The following MKI67 variants were observed in gnomAD, a reference collection of about 807,000 sequenced individuals.
MKI67 encodes marker of proliferation Ki-67.
In MKI67, 152 loss-of-function variants were observed where a neutral mutation model predicts 233.5. That is an observed-to-expected ratio of 0.65 (90% CI 0.57 to 0.74). The LOEUF is 0.74. Among genes scored for constraint, MKI67 ranks in the 30% least tolerant of loss-of-function variants. The pLI, the probability that MKI67 is intolerant of heterozygous loss-of-function variation, is 0.00. For synonymous variants in MKI67, 1,465 were observed against 1,418.5 expected, an observed-to-expected ratio of 1.03 and a Z score of -0.74; for missense variants, 3,940 against 3,885.2, an observed-to-expected ratio of 1.01 and a Z score of -0.37.
Position 128,106,419 on chromosome 10 carries a change from G to A in MKI67, c.5421C>T (p.Asp1807=). 6.2e-7 allele frequency: 1 copy of A among 1,613,044 alleles called. No individual in the cohort carries two copies. The highest frequency in any genetic ancestry group is 2.2e-5 in the East Asian group (1 of 44,812). The change falls in exon 13 of 15, where the codon GAC becomes GAT. Residue 1807 remains aspartate (D), a synonymous_variant. Transcript: ENST00000368654. ...TFLGTPVQKL[D]QPGNLPGSNR... is the part of the protein sequence containing the mutation. ...TGCTGCCAGGTAAATTTCCTGGCTGGTCCAGTTTCTGCACTGGAGTTCCCA... is the reference window on the plus strand; with the variant it reads ...TGCTGCCAGGTAAATTTCCTGGCTGATCCAGTTTCTGCACTGGAGTTCCCA...
Position 128,099,144 on chromosome 10 carries a change from A to C in MKI67, c.*46T>G, listed in dbSNP as rs765662903. 1 of 1,473,658 alleles carries C rather than the reference A, an allele frequency of 6.8e-7. No homozygotes were observed. Among genetic ancestry groups the C allele is most frequent in the Non-Finnish European group, 9.4e-7 (1 of 1,062,050 alleles). The allele number at this position is 1,473,658 out of a possible 1,614,324, so 91.3% of individuals were successfully genotyped here. On this transcript the variant is annotated 3_prime_UTR_variant, in exon 15 of 15. Transcript: ENST00000368654. ...TATGACAAAAACTGCACTAGAACTT[A>C]TCACAAAACTAACTTTATTATATTT... is the stretch of plus-strand genomic sequence containing the variant.
In MKI67 at chr10:128,112,538, T is replaced by G. The variant is rs1211243709; in HGVS notation, c.1657-93A>C. On this transcript the variant is annotated intron_variant, in intron 8 of 14. Transcript: ENST00000368654. The stretch of plus-strand genomic sequence containing the variant: ...AACCTATTCAGTTAAGAATTTCAGC[T>G]GTTTAAATCTTGAAGCATCAAATGC... 6 of 1,251,870 alleles carry G rather than the reference T, an allele frequency of 4.8e-6. No individual in the cohort carries two copies. In the Admixed American group the frequency reaches 1.3e-4, roughly 27 times the overall value. The allele number at this position is 1,251,870 out of a possible 1,614,324, so 77.5% of individuals were successfully genotyped here. A position where few individuals can be genotyped will look rare whatever the true frequency, so the allele number is the denominator to read the frequency against.
intron 5 of MKI67, among the ~76,000 whole-genome samples, chr10:128,117,690 G>A (rs1018722488): frequency 1.3e-5 from 2 of 152,144 alleles, no homozygotes; most frequent in African/African-American, 4.8e-5. Context: ...ATCTATGTGA[G>A]GGATGGTTTT....
chr10:128,100,713 G>A (rs1029176113), intron 14 of MKI67, among the ~76,000 whole-genome samples: 1 of 152,176 alleles, frequency 6.6e-6, no homozygotes, highest in Non-Finnish European at 1.5e-5. Flanking sequence ...AGCACTTAAA[G>A]TTCATTAGCT....
chr10:128,113,872 G>C (rs1590312031), intron 7 of MKI67, among the ~76,000 whole-genome samples: 1 of 152,304 alleles, frequency 6.6e-6, no homozygotes, highest in Non-Finnish European at 1.5e-5. Context: ...ACATAGAAAG[G>C]AGGAGTCTGC....
rs1853053966 is a variant in MKI67 at position 128,126,311 on chromosome 10, G to A, written c.-302C>T. 1 of 152,822 alleles carries A rather than the reference G, an allele frequency of 6.5e-6. No homozygotes were observed. Among genetic ancestry groups the A allele is most frequent in the African/African-American group, 2.4e-5 (1 of 41,450 alleles). 9.5% of individuals were successfully genotyped at this position (152,822 alleles called of 1,614,324 possible). On this transcript the variant is annotated 5_prime_UTR_variant, in exon 1 of 15. Coordinates refer to ENST00000368654, the MANE Select transcript of MKI67 (RefSeq NM_002417.5). ...TGCTCCCGCCGCCGCCTCTGACGGG[G>A]ACCCGGTGGCCCTACAGGCTACGTC...
intron 5 of MKI67, among the ~76,000 whole-genome samples, chr10:128,118,906 G>A (rs571465076): frequency 1.3e-5 from 2 of 152,252 alleles, no homozygotes; most frequent in East Asian, 1.9e-4. Flanking sequence ...ATGACTGGGC[G>A]ACAAAATGAG....
Position 128,112,398 on chromosome 10 carries a change from A to C in MKI67, c.1704T>G (p.His568Gln). 1 of 1,614,184 alleles carries C rather than the reference A, an allele frequency of 6.2e-7. No homozygotes were observed. The highest frequency in any genetic ancestry group is 8.5e-7 in the Non-Finnish European group (1 of 1,180,018). The change falls in exon 9 of 15, where the codon CAT becomes CAG. Residue 568 changes from histidine to glutamine, a missense_variant. Physicochemically the swap from His to Gln is conservative, Grantham distance 24. Transcript: ENST00000368654. ...SGKQESGSEI[H>Q]VEVKAQSLVI... ...CCAAGCTTTGTGCCTTCACTTCCACATGGATTTCTGAACCTGACTCTTGTT... is the reference window on the plus strand; with the variant it reads ...CCAAGCTTTGTGCCTTCACTTCCACCTGGATTTCTGAACCTGACTCTTGTT...
At chr10:128,118,339 T>C (rs947294961) in intron 5 of MKI67, among the ~76,000 whole-genome samples, 3 of 144,032 alleles carry the variant, frequency 2.1e-5, no homozygotes, top group African/African-American at 5.2e-5. Flanking sequence ...GAGGTTGCAG[T>C]GAGCCAAGAT....
rs1364792987 is a variant in MKI67, at chr10:128,104,236, G to A, written c.7604C>T (p.Pro2535Leu). The A allele has an allele frequency of 6.2e-7, 1 of 1,614,000 alleles. No homozygotes were observed. Among genetic ancestry groups the A allele is most frequent in the Non-Finnish European group, 8.5e-7 (1 of 1,180,012 alleles). The change falls in exon 13 of 15, where the codon CCA (proline) becomes CTA (leucine). Residue 2535 changes from proline (P) to leucine (L), a missense_variant. By Grantham distance (98) the Pro-to-Leu change is moderately conservative (BLOSUM62 -3). Coordinates refer to ENST00000368654, the MANE Select transcript of MKI67 (RefSeq NM_002417.5). ...FKESPKQILD[P>L]AASVTGSRRQ... ...CCTGCTACCAGTTACACTTGCTGCTGGGTCCAGGATCTGCTTTGGAGACTC... is the reference window on the plus strand; with the variant it reads ...CCTGCTACCAGTTACACTTGCTGCTAGGTCCAGGATCTGCTTTGGAGACTC...
At position 128,104,323 on chromosome 10, in the gene MKI67, CCT is replaced by C; in HGVS notation, c.7515_7516del (p.Glu2507AspfsTer12). ...CTCTGTGTGTGTTTGCGTAGTCTCC[CCT>C]GATGTCCGTGTGAGCTTGCTGACTG... is the stretch of plus-strand genomic sequence containing the variant. On this transcript the variant is annotated frameshift_variant, in exon 13 of 15. Transcript: ENST00000368654. LOFTEE classifies it high-confidence loss of function. 6.2e-7 allele frequency: 1 copy of C among 1,614,152 alleles called. No individual in the cohort carries two copies. Among genetic ancestry groups the C allele is most frequent in the Non-Finnish European group, 8.5e-7 (1 of 1,180,044 alleles).
chr10:128,113,189 A>T (rs1484998489), intron 8 of MKI67, among the ~76,000 whole-genome samples: 1 of 148,580 alleles, frequency 6.7e-6, no homozygotes, highest in Non-Finnish European at 1.5e-5. Flanking sequence ...TCTGCACGAA[A>T]AGGACAACAT....
At chr10:128,117,787 T>A (rs1426518757) in intron 5 of MKI67, among the ~76,000 whole-genome samples, 1 of 152,212 alleles carries the variant, frequency 6.6e-6, no homozygotes, top group Non-Finnish European at 1.5e-5. Flanking sequence ...GTAAAGTATA[T>A]AATCTCACTT....
chr10:128,104,179 C>G lies in MKI67; in HGVS notation c.7661G>C (p.Arg2554Pro). 1 of 1,612,798 alleles carries G rather than the reference C, an allele frequency of 6.2e-7. No individual in the cohort carries two copies. Among genetic ancestry groups the G allele is most frequent in the East Asian group, 2.2e-5 (1 of 44,752 alleles). Residue 2554 changes from arginine (R) to proline (P), a missense_variant, in exon 13 of 15, where the codon CGT (arginine) becomes CCT (proline). Coordinates refer to ENST00000368654, the MANE Select transcript of MKI67 (RefSeq NM_002417.5). Reference sequence around the variant, plus strand: ...GAAGTCAACCAGGTCTTCTAGAGCACGGGCCTTTTCCTTACGAGTTCTCAG... The same window carrying G: ...GAAGTCAACCAGGTCTTCTAGAGCAGGGGCCTTTTCCTTACGAGTTCTCAG... Reference protein sequence around the residue: ...RQLRTRKEKARALEDLVDFKE... With the variant: ...RQLRTRKEKAPALEDLVDFKE...
At position 128,103,747 on chromosome 10, in the gene MKI67, G is replaced by A; in HGVS notation, c.8093C>T (p.Ala2698Val). 1.2e-6 allele frequency: 2 copies of A among 1,613,798 alleles called. No homozygotes were observed. Among genetic ancestry groups the A allele is most frequent in the Non-Finnish European group, 1.7e-6 (2 of 1,179,972 alleles). ...GCAGGGTATTTTAGTGGCTTTGCCA[G>A]CAGTCAGTGATTCCTGAGTGTGACC... ...TSGHTQESLT[A>V]GKATKIPCES... is the part of the protein sequence containing the mutation. Residue 2698 changes from alanine to valine, a missense_variant, in exon 13 of 15, where the codon GCT becomes GTT. Coordinates refer to ENST00000368654, the MANE Select transcript of MKI67 (RefSeq NM_002417.5).
chr10:128,117,203 C>G (rs1039333756), intron 5 of MKI67, among the ~76,000 whole-genome samples: 3 of 151,342 alleles, frequency 2.0e-5, no homozygotes, highest in Non-Finnish European at 4.4e-5. Context: ...TACTGAAGAT[C>G]TGTAACCCCC....
At position 128,104,802 on chromosome 10, in the gene MKI67, T is replaced by C. The variant is rs765319667; in HGVS notation, c.7038A>G (p.Gln2346=). 6.2e-7 allele frequency: 1 copy of C among 1,613,544 alleles called. No homozygotes were observed. The highest frequency in any genetic ancestry group is 1.1e-5 in the South Asian group (1 of 91,060). Residue 2346 remains glutamine, a synonymous_variant, in exon 13 of 15, where the codon CAA becomes CAG. Coordinates refer to ENST00000368654, the MANE Select transcript of MKI67 (RefSeq NM_002417.5). ...TTGCTGGGGTGTCCACTGGGTCTGG[T>C]TGTGGAGATTTGCAGGCTATTTTGG... The part of the protein sequence containing the change: ...KTTKIACKSP[Q]PDPVDTPAST...
In MKI67 at chr10:128,108,285, T is replaced by C. The variant is rs771750117; in HGVS notation, c.3555A>G (p.Lys1185=). ...GAGTTCCCATAAATGCTTTAATGTC[T>C]TTCTCATCACCTCCTGCTGGTTTGG... The part of the protein sequence containing the change: ...LTPKPAGGDE[K]DIKAFMGTPV... The change falls in exon 13 of 15, where the codon AAA becomes AAG. Residue 1185 remains lysine (K), a synonymous_variant. Transcript: ENST00000368654. 1 of 1,614,038 alleles carries C rather than the reference T, an allele frequency of 6.2e-7. No individual in the cohort carries two copies. The highest frequency in any genetic ancestry group is 2.2e-5 in the East Asian group (1 of 44,846).
intron 8 of MKI67, 112 bp from the exon 9 acceptor site, chr10:128,112,557 C>T: frequency 9.7e-7 from 1 of 1,034,014 alleles, no homozygotes; most frequent in Non-Finnish European, 1.4e-6. Context: ...CTTGAAGCAT[C>T]AAATGCTTAA....
Sources: allele counts gnomAD v4.1 joint callset (sites outside exome capture counted in the v4.1 genomes callset), GRCh38; gene constraint gnomAD v4.1.1; transcripts MANE v1.5; gene names NCBI Gene and HGNC (gene_info 2026-07-23, HGNC 2026-07-21).